The following PRDM16 variants were observed in gnomAD, a reference collection of about 807,000 sequenced individuals.
The protein encoded by PRDM16 is PR/SET domain 16, also known as histone-lysine N-methyltransferase PRDM16.
In PRDM16, 23 loss-of-function variants were observed where a neutral mutation model predicts 110.6. The ratio of observed to expected loss-of-function variants is 0.21; its 90% CI spans 0.15 to 0.29. PRDM16 has a LOEUF of 0.29. Among genes scored for constraint, PRDM16 ranks in the 10% least tolerant of loss-of-function variants. The pLI, the probability that PRDM16 is intolerant of heterozygous loss-of-function variation, is 1.00. For missense variants in PRDM16, 1,615 were observed against 1,794.3 expected (o/e 0.90, Z 1.81); for synonymous variants, 799 against 781.8 (o/e 1.02, Z -0.37).
rs756786198 is a variant in PRDM16, at chr1:3,186,279, G to A, written c.192G>A (p.Glu64=). Residue 64 remains glutamate (E), a synonymous_variant, in exon 2 of 17, where the codon GAG becomes GAA. Transcript: ENST00000270722. Reference sequence around the variant, plus strand: ...CCAGCGAGGACTTCACCCCCAAGGAGGGCTCGCCGTACGAGGCCCCTGTCT... The same window carrying A: ...CCAGCGAGGACTTCACCCCCAAGGAAGGCTCGCCGTACGAGGCCCCTGTCT... The part of the protein sequence containing the change: ...FPTSEDFTPK[E]GSPYEAPVYI... 6 of 1,611,844 alleles carry A rather than the reference G, an allele frequency of 3.7e-6. No homozygotes were observed. Among genetic ancestry groups the A allele is most frequent in the South Asian group, 3.3e-5 (3 of 90,970 alleles).
chr1:3,147,514 CT>C (rs1334781782), intron 1 of PRDM16, among the ~76,000 whole-genome samples: 1 of 152,104 alleles, frequency 6.6e-6, no homozygotes, highest in Admixed American at 6.5e-5. Context: ...GCTATTTCTG[CT>C]GTCTTCTCTT....
At chr1:3,093,608 C>A (rs1481513186) in intron 1 of PRDM16, among the ~76,000 whole-genome samples, 2 of 151,964 alleles carry the variant, frequency 1.3e-5, no homozygotes, top group African/African-American at 4.8e-5. Context: ...CCTGTGGGCC[C>A]CTTAGATTGT....
chr1:3,367,622 G>C (rs1642839495), intron 3 of PRDM16, among the ~76,000 whole-genome samples: 1 of 152,196 alleles, frequency 6.6e-6, no homozygotes, highest in African/African-American at 2.4e-5. Context: ...GTGCGGTCCT[G>C]TGGTTCCCTA....
chr1:3,165,860 G>C (rs984912547), intron 1 of PRDM16, among the ~76,000 whole-genome samples: 2 of 100,954 alleles, frequency 2.0e-5, no homozygotes, highest in South Asian at 3.9e-4. Context: ...AGGGCTCAGG[G>C]ACAGGGACTC....
intron 2 of PRDM16, among the ~76,000 whole-genome samples, chr1:3,194,627 G>A (rs1372803703): frequency 1.4e-5 from 2 of 147,158 alleles, no homozygotes; most frequent in Non-Finnish European, 3.0e-5. Flanking sequence ...CCCACCACAC[G>A]CCACCGTCTC....
chr1:3,213,210 A>C lies in PRDM16; in HGVS notation c.387+26736A>C, dbSNP rs1449887375. 1.3e-5 allele frequency among the ~76,000 whole-genome samples: 2 copies of C among 152,184 alleles called. No individual in the cohort carries two copies. Among genetic ancestry groups the C allele is most frequent in the Non-Finnish European group, 1.5e-5 (1 of 68,032 alleles). On this transcript the variant is annotated intron_variant, in intron 2 of 16. Transcript: ENST00000270722. The surrounding 1 kb of genome is among the most constrained non-coding windows in gnomAD (Gnocchi z 5.3). ...TGGAGATCCCCAAATTAGCCAATAA[A>C]CACCACCCATTCCGTGGTGAGGGGG...
At chr1:3,129,399 G>T (rs1643287533) in intron 1 of PRDM16, among the ~76,000 whole-genome samples, 1 of 151,456 alleles carries the variant, frequency 6.6e-6, no homozygotes, top group Admixed American at 6.6e-5. Flanking sequence ...GTGTGTGTGT[G>T]TCCTGCCTGG....
chr1:3,187,649 G>T (rs938675517), intron 2 of PRDM16, among the ~76,000 whole-genome samples: 2 of 152,194 alleles, frequency 1.3e-5, no homozygotes, highest in South Asian at 2.1e-4. Flanking sequence ...ACCAGAGGCT[G>T]CCCCGCACGC....
chr1:3,356,550 A>G lies in PRDM16; in HGVS notation c.439-28602A>G, dbSNP rs143426305. 4.2e-3 allele frequency among the ~76,000 whole-genome samples: 642 copies of G among 152,304 alleles called. 3 individuals are homozygous for G. Among genetic ancestry groups the G allele is most frequent in the Middle Eastern group, 0.017 (5 of 294 alleles). On this transcript the variant is annotated intron_variant, in intron 3 of 16. Coordinates refer to ENST00000270722, the MANE Select transcript of PRDM16 (RefSeq NM_022114.4). ...GCTTTTCCTTGCCTGGGTGCAGAGT[A>G]TTTAAAAATAAAAGCCGCAGCTGCC...
intron 1 of PRDM16, among the ~76,000 whole-genome samples, chr1:3,086,509 G>A (rs1374759536): frequency 6.6e-6 from 1 of 151,970 alleles, no homozygotes; most frequent in African/African-American, 2.4e-5. Context: ...TCCTCCCTCC[G>A]CTACTGGCCT....
In PRDM16 at chr1:3,186,304, T is replaced by A; in HGVS notation, c.217T>A (p.Tyr73Asn). 3 of 1,612,116 alleles carry A rather than the reference T, an allele frequency of 1.9e-6. No homozygotes were observed. Among genetic ancestry groups the A allele is most frequent in the Non-Finnish European group, 2.5e-6 (3 of 1,179,594 alleles). Residue 73 changes from tyrosine to asparagine, a missense_variant, in exon 2 of 17, where the codon TAC (tyrosine) becomes AAC (asparagine). This residue lies in a region of PRDM16 where 416 missense variants were observed against 467.1 expected (regional missense o/e 0.89). Coordinates refer to ENST00000270722, the MANE Select transcript of PRDM16 (RefSeq NM_022114.4). ...KEGSPYEAPV[Y>N]IPEDIPIPAD... ...GGGCTCGCCGTACGAGGCCCCTGTCTACATTCCTGAAGACATTCCGATCCC... is the reference window on the plus strand; with the variant it reads ...GGGCTCGCCGTACGAGGCCCCTGTCAACATTCCTGAAGACATTCCGATCCC...
intron 3 of PRDM16, among the ~76,000 whole-genome samples, chr1:3,317,742 T>C (rs1641644836): frequency 6.6e-6 from 1 of 152,196 alleles, no homozygotes; most frequent in African/African-American, 2.4e-5. Context: ...CCCCTCCTCC[T>C]CCGGACACCA....
At chr1:3,074,420 T>C (rs1207175861) in intron 1 of PRDM16, among the ~76,000 whole-genome samples, 1 of 152,042 alleles carries the variant, frequency 6.6e-6, no homozygotes, top group Non-Finnish European at 1.5e-5. Context: ...TCTGTGTGTG[T>C]GTGTGTGTGC....
At chr1:3,137,928 C>T (rs566907277) in intron 1 of PRDM16, among the ~76,000 whole-genome samples, 25 of 152,334 alleles carry the variant, frequency 1.6e-4, no homozygotes, top group African/African-American at 4.3e-4. Context: ...AAATGTCCCA[C>T]GATGCATTTG....
At chr1:3,238,409 AG>A (rs765810846) in intron 2 of PRDM16, among the ~76,000 whole-genome samples, 5 of 152,220 alleles carry the variant, frequency 3.3e-5, no homozygotes, top group Non-Finnish European at 5.9e-5. Context: ...TCTCACTTGA[AG>A]GAACTGAGAA....
At chr1:3,260,026 A>C (rs545812257) in intron 3 of PRDM16, among the ~76,000 whole-genome samples, 28 of 150,242 alleles carry the variant, frequency 1.9e-4, no homozygotes, top group Non-Finnish European at 4.1e-4. Flanking sequence ...CACCCTTCCC[A>C]CCTCCCCATA....
At chr1:3,225,573 T>TGTGTGTGTGCGC (rs1336272072) in intron 2 of PRDM16, among the ~76,000 whole-genome samples, 30 of 129,908 alleles carry the variant, frequency 2.3e-4, no homozygotes, top group African/African-American at 7.2e-4. Context: ...TGTGTGTGTG[T>TGTGTGTGTGCGC]GCGCGCGCGC....
At chr1:3,198,163 C>G (rs1374722505) in intron 2 of PRDM16, among the ~76,000 whole-genome samples, 1 of 152,204 alleles carries the variant, frequency 6.6e-6, no homozygotes, top group Non-Finnish European at 1.5e-5. Context: ...GGGGCGGGCA[C>G]TCCATGCGTT....
At chr1:3,319,596 A>G (rs1641694136) in intron 3 of PRDM16, among the ~76,000 whole-genome samples, 1 of 152,164 alleles carries the variant, frequency 6.6e-6, no homozygotes, top group African/African-American at 2.4e-5. Flanking sequence ...CCCTGGCTTC[A>G]GGGATGGAAG....
Sources: gnomAD v4.1 joint callset for allele counts (sites outside exome capture counted in the v4.1 genomes callset) on GRCh38, gnomAD v4.1.1 for gene constraint, gnomAD v4.1.1 regional missense constraint, Gnocchi (gnomAD v3.1) non-coding constraint, MANE v1.5 for transcripts, NCBI Gene and HGNC (gene_info 2026-07-23, HGNC 2026-07-21) for gene names.